Variants in AGBL4 observed in about 807,000 individuals in gnomAD.
AGBL4 encodes cytosolic carboxypeptidase 6.
AGBL4 carries 58 observed loss-of-function variants against 66.4 expected under a neutral mutation model. That is an observed-to-expected ratio of 0.87 (90% confidence interval 0.71 to 1.09). The LOEUF (loss-of-function observed/expected upper bound fraction) is 1.09, where lower values mean the gene tolerates loss of function less well. AGBL4 is among the 50% of genes least tolerant of loss of function. AGBL4 has a pLI of 0.00. For synonymous variants in AGBL4, 234 were observed against 222.9 expected, an observed-to-expected ratio of 1.05 and a Z score of -0.44; for missense variants, 579 against 631.0, an observed-to-expected ratio of 0.92 and a Z score of 0.88.
intron 6 of AGBL4, among the ~76,000 whole-genome samples, chr1:48,779,362 G>A (rs564943357): frequency 4.3e-4 from 65 of 152,252 alleles, no homozygotes; most frequent in African/African-American, 1.5e-3. Flanking sequence ...CCAAGCTTTT[G>A]TGCTTTTTCT....
chr1:49,245,228 A>G (rs1190709730), intron 4 of AGBL4, among the ~76,000 whole-genome samples: 2 of 149,124 alleles, frequency 1.3e-5, no homozygotes, highest in African/African-American at 2.5e-5. Flanking sequence ...CCTCCTCACT[A>G]TAGCAATGGT....
chr1:48,627,305 T>A (rs1645519168), intron 9 of AGBL4, among the ~76,000 whole-genome samples: 1 of 152,220 alleles, frequency 6.6e-6, no homozygotes, highest in Non-Finnish European at 1.5e-5. Flanking sequence ...TACTTGTTTA[T>A]GTGCCTGTTT....
chr1:49,067,140 A>T (rs554629856), intron 4 of AGBL4, among the ~76,000 whole-genome samples: 49 of 152,308 alleles, frequency 3.2e-4, no homozygotes, highest in Admixed American at 1.7e-3. Flanking sequence ...TGCATTGGGC[A>T]GGAGGGTCGG....
At position 49,814,919 on chromosome 1, in the gene AGBL4, T is replaced by C. The variant is rs1321512047; in HGVS notation, c.157+36477A>G. On this transcript the variant is annotated intron_variant, in intron 2 of 13. Transcript: ENST00000371839. ...ATAGTAGGTGTATATATTTATGGGG[T>C]ATATCAGATGTTTTGATAGAGACGT... 2.0e-5 allele frequency among the ~76,000 whole-genome samples: 3 copies of C among 152,150 alleles called. No homozygotes were observed. The South Asian group carries it at 6.2e-4, about 31-fold the overall frequency.
chr1:48,919,605 T>A (rs181517272), intron 5 of AGBL4, among the ~76,000 whole-genome samples: 1 of 152,098 alleles, frequency 6.6e-6, no homozygotes, highest in East Asian at 1.9e-4. Context: ...TAGATCAGGG[T>A]TTCTCAACAC....
chr1:49,976,362 C>T (rs7522038), intron 1 of AGBL4, among the ~76,000 whole-genome samples: 141,014 of 152,098 alleles, frequency 0.93, 66,223 homozygotes, highest in East Asian at 1. Flanking sequence ...TACCCATGCA[C>T]TTTGGGGGTT....
intron 2 of AGBL4, among the ~76,000 whole-genome samples, chr1:49,735,850 T>A (rs985553364): frequency 1.1e-4 from 17 of 152,118 alleles, no homozygotes; most frequent in Non-Finnish European, 2.5e-4. Context: ...GAGTATTTTT[T>A]AAATAACCTA....
chr1:49,060,924 G>T (rs1273442751), intron 4 of AGBL4, among the ~76,000 whole-genome samples: 1 of 152,160 alleles, frequency 6.6e-6, no homozygotes, highest in Non-Finnish European at 1.5e-5. Flanking sequence ...CTAAATTCCA[G>T]GTTGTCAAAT....
chr1:48,727,884 G>GT (rs1298401525), intron 6 of AGBL4: 2 of 1,602,116 alleles, frequency 1.2e-6, no homozygotes, highest in Admixed American at 3.4e-5. Flanking sequence ...AAAATCCAAA[G>GT]TTTATTGCAA....
chr1:48,642,040 G>A (rs1645764810), intron 8 of AGBL4, among the ~76,000 whole-genome samples: 3 of 152,120 alleles, frequency 2.0e-5, no homozygotes, highest in Admixed American at 2.0e-4. Context: ...TTCTGGGTGG[G>A]TAAAGTACAG....
intron 5 of AGBL4, among the ~76,000 whole-genome samples, chr1:48,884,199 C>G (rs1357082964): frequency 6.6e-6 from 1 of 152,174 alleles, no homozygotes; most frequent in African/African-American, 2.4e-5. Flanking sequence ...TAGCTCAAAT[C>G]TGTAAGTATT....
At chr1:48,695,522 T>C (rs1646701082) in intron 6 of AGBL4, among the ~76,000 whole-genome samples, 1 of 152,190 alleles carries the variant, frequency 6.6e-6, no homozygotes, top group African/African-American at 2.4e-5. Context: ...CAAAGCTGCT[T>C]TCCTTCAAAT....
chr1:49,787,877 C>T (rs1199721973), intron 2 of AGBL4, among the ~76,000 whole-genome samples: 1 of 151,428 alleles, frequency 6.6e-6, no homozygotes, highest in Non-Finnish European at 1.5e-5. Flanking sequence ...GCCTTTTTTG[C>T]GGGGAAGGGG....
At chr1:49,841,918 C>A in intron 2 of AGBL4, 1 of 631,952 alleles carries the variant, frequency 1.6e-6, no homozygotes, top group Non-Finnish European at 2.9e-6. Flanking sequence ...CTCCACAGAC[C>A]CAGTGAGAAT....
chr1:49,726,399 TA>T (rs1649035433), intron 2 of AGBL4, among the ~76,000 whole-genome samples: 1 of 151,988 alleles, frequency 6.6e-6, no homozygotes. Flanking sequence ...GAATATTAAA[TA>T]GGAAAATAAT....
At chr1:48,628,861 C>G (rs1645547063) in intron 9 of AGBL4, among the ~76,000 whole-genome samples, 1 of 122,806 alleles carries the variant, frequency 8.1e-6, no homozygotes. Context: ...TCTTTCAGCC[C>G]CACGTTTCCA....
intron 3 of AGBL4, among the ~76,000 whole-genome samples, chr1:49,623,001 G>A (rs370972409): frequency 1.3e-5 from 2 of 151,998 alleles, no homozygotes; most frequent in Admixed American, 6.5e-5. Context: ...ATACAGATTC[G>A]CAGGAAAAAA....
At chr1:49,573,368 G>C (rs966842685) in intron 3 of AGBL4, among the ~76,000 whole-genome samples, 2 of 152,058 alleles carry the variant, frequency 1.3e-5, no homozygotes, top group Non-Finnish European at 2.9e-5. Flanking sequence ...TAATAGTATG[G>C]AGAACACTGA....
At chr1:49,079,387 T>C (rs1164293193) in intron 4 of AGBL4, among the ~76,000 whole-genome samples, 4 of 152,028 alleles carry the variant, frequency 2.6e-5, no homozygotes, top group Non-Finnish European at 5.9e-5. Context: ...CTCAGGAAAC[T>C]TACAATCATG....
Sources: allele counts gnomAD v4.1 joint callset (sites outside exome capture counted in the v4.1 genomes callset), GRCh38; gene constraint gnomAD v4.1.1; transcripts MANE v1.5; gene names NCBI Gene and HGNC (gene_info 2026-07-23, HGNC 2026-07-21).